IL1RAPL2: variants seen among roughly 807,000 people sequenced by gnomAD.
IL1RAPL2 encodes X-linked interleukin-1 receptor accessory protein-like 2.
Under a neutral mutation model 44.1 loss-of-function variants are expected in IL1RAPL2, and 3 were observed. The observed-to-expected ratio is 0.07, with a 90% CI of 0.03 to 0.18. The LOEUF (loss-of-function observed/expected upper bound fraction) is 0.18. IL1RAPL2 is among the 10% of genes least tolerant of loss of function. IL1RAPL2 has a pLI of 1.00. For synonymous variants in IL1RAPL2, 181 were observed against 178.8 expected, an observed-to-expected ratio of 1.01 and a Z score of -0.10; for missense variants, 391 against 496.4, an observed-to-expected ratio of 0.79 and a Z score of 2.02.
intron 2 of IL1RAPL2, among the ~76,000 whole-genome samples, chrX:104,703,211 A>C (rs908059406): frequency 9.0e-6 from 1 of 111,369 alleles, no homozygotes; most frequent in Non-Finnish European, 1.9e-5. Flanking sequence ...TTAAGTTAGG[A>C]TATCCAGTGC....
intron 2 of IL1RAPL2, among the ~76,000 whole-genome samples, chrX:104,994,908 G>T (rs2030722110): frequency 9.0e-6 from 1 of 110,576 alleles, no homozygotes; most frequent in Admixed American, 9.7e-5. Flanking sequence ...CAGTCAGCTG[G>T]CTGTGATGAT....
intron 2 of IL1RAPL2, among the ~76,000 whole-genome samples, chrX:104,846,914 T>C (rs1045311408): frequency 4.5e-5 from 5 of 112,165 alleles, no homozygotes; most frequent in Non-Finnish European, 3.8e-5. Flanking sequence ...TGGTATCTCA[T>C]TGTGTTTTTG....
intron 5 of IL1RAPL2, among the ~76,000 whole-genome samples, chrX:105,277,796 A>G (rs2034497889): frequency 9.1e-6 from 1 of 109,879 alleles, no homozygotes; most frequent in Non-Finnish European, 1.9e-5. Flanking sequence ...CAAGGTCAAC[A>G]ATATTCATGA....
At chrX:104,782,850 G>A (rs1932781486) in intron 2 of IL1RAPL2, among the ~76,000 whole-genome samples, 1 of 111,890 alleles carries the variant, frequency 8.9e-6, no homozygotes, top group Non-Finnish European at 1.9e-5. Flanking sequence ...CCCTATTTGA[G>A]TTGCAAATAT....
intron 2 of IL1RAPL2, among the ~76,000 whole-genome samples, chrX:105,004,193 G>A (rs2030901728): frequency 9.1e-6 from 1 of 109,906 alleles, no homozygotes; most frequent in Non-Finnish European, 1.9e-5. Flanking sequence ...TGCTTGTGAG[G>A]CAGTTTTAAT....
chrX:104,814,964 T>C (rs1921096817), intron 2 of IL1RAPL2, among the ~76,000 whole-genome samples: 1 of 111,892 alleles, frequency 8.9e-6, no homozygotes, highest in African/African-American at 3.2e-5. Flanking sequence ...AGGCCTCAAA[T>C]TAACTTCATC....
intron 2 of IL1RAPL2, among the ~76,000 whole-genome samples, chrX:105,091,786 C>T (rs1473757122): frequency 2.7e-5 from 3 of 111,820 alleles, no homozygotes; most frequent in African/African-American, 6.5e-5. Flanking sequence ...GTTTGTTCCC[C>T]ATTACAACTC....
intron 5 of IL1RAPL2, among the ~76,000 whole-genome samples, chrX:105,333,861 A>G (rs1256109424): frequency 8.9e-6 from 1 of 112,150 alleles, no homozygotes; most frequent in African/African-American, 3.2e-5. Context: ...CATCCAAAAG[A>G]CAGGCAATAG....
chrX:104,654,850 G>A (rs372396831), intron 1 of IL1RAPL2, among the ~76,000 whole-genome samples: 1 of 110,749 alleles, frequency 9.0e-6, no homozygotes, highest in African/African-American at 3.3e-5. Flanking sequence ...CTTTTAATTC[G>A]TTGAGCAGTG....
chrX:104,748,546 C>T (rs1324561306), intron 2 of IL1RAPL2, among the ~76,000 whole-genome samples: 6 of 111,066 alleles, frequency 5.4e-5, no homozygotes, highest in Admixed American at 3.8e-4. Flanking sequence ...AATATGGAAG[C>T]TTCCACTTCT....
intron 2 of IL1RAPL2, among the ~76,000 whole-genome samples, chrX:105,079,649 T>C (rs180784888): frequency 1.6e-3 from 172 of 109,159 alleles, no homozygotes; most frequent in Non-Finnish European, 2.7e-3. Flanking sequence ...TGAATAGTGC[T>C]GCAATAAACA....
At chrX:104,659,041 T>G (rs765577654) in intron 2 of IL1RAPL2, 46 bp downstream of exon 2, 12 of 949,847 alleles carry the variant, frequency 1.3e-5, no homozygotes, top group Non-Finnish European at 1.8e-5. Flanking sequence ...AATGTACAGT[T>G]TTGTGAGCAC....
At chrX:104,880,348 T>C (rs982623450) in intron 2 of IL1RAPL2, among the ~76,000 whole-genome samples, 2 of 111,714 alleles carry the variant, frequency 1.8e-5, no homozygotes, top group Non-Finnish European at 3.8e-5. Context: ...TAGAGGATAG[T>C]ACTTCTTCAG....
intron 5 of IL1RAPL2, among the ~76,000 whole-genome samples, chrX:105,403,603 CATGAGGTG>C (rs1292182734): frequency 1.8e-5 from 2 of 111,732 alleles, no homozygotes; most frequent in Non-Finnish European, 3.8e-5. Context: ...AGGTAACTCA[CATGAGGTG>C]GATGTCACAT....
At chrX:104,722,210 T>C (rs1353528705) in intron 2 of IL1RAPL2, among the ~76,000 whole-genome samples, 1 of 111,787 alleles carries the variant, frequency 8.9e-6, no homozygotes, top group Non-Finnish European at 1.9e-5. Flanking sequence ...TCTGCCATTG[T>C]AGCATGAAAG....
chrX:105,295,544 C>T (rs1338699289), intron 5 of IL1RAPL2, among the ~76,000 whole-genome samples: 1 of 111,294 alleles, frequency 9.0e-6, no homozygotes, highest in East Asian at 2.8e-4. Flanking sequence ...AGTTACATGA[C>T]CCATTAGTAG....
chrX:105,187,985 TTTTA>T (rs1489375203), intron 2 of IL1RAPL2, among the ~76,000 whole-genome samples: 1 of 111,816 alleles, frequency 8.9e-6, no homozygotes, highest in African/African-American at 3.2e-5. Context: ...ATATATACAA[TTTTA>T]TTTGTTAATT....
At chrX:105,062,996 T>C (rs754046950) in intron 2 of IL1RAPL2, among the ~76,000 whole-genome samples, 1 of 111,806 alleles carries the variant, frequency 8.9e-6, no homozygotes, top group South Asian at 3.7e-4. Flanking sequence ...TGGGAAGTTG[T>C]CTGTTATCCC....
At chrX:105,487,091 CAAAAAAA>C (rs397896906) in intron 6 of IL1RAPL2, among the ~76,000 whole-genome samples, 5 of 38,333 alleles carry the variant, frequency 1.3e-4, no homozygotes, top group Middle Eastern at 0.02. Flanking sequence ...GACTCCATCT[CAAAAAAA>C]AAAAAAAAAA....
Sources: allele counts gnomAD v4.1 joint callset (sites outside exome capture counted in the v4.1 genomes callset), GRCh38; gene constraint gnomAD v4.1.1; transcripts MANE v1.5; gene names NCBI Gene and HGNC (gene_info 2026-07-23, HGNC 2026-07-21).